CTIF: variants seen among roughly 807,000 people sequenced by gnomAD.
The protein encoded by CTIF is CBP80/20-dependent translation initiation factor.
CTIF carries 21 observed loss-of-function variants against 66.0 expected under a neutral mutation model. The ratio of observed to expected loss-of-function variants is 0.32; its 90% CI spans 0.23 to 0.46. CTIF has a LOEUF of 0.46. Among genes scored for constraint, CTIF ranks in the 20% least tolerant of loss-of-function variants. CTIF has a pLI of 1.00. For missense variants in CTIF, 739 were observed against 812.7 expected (o/e 0.91, Z 1.10); for synonymous variants, 345 against 326.4 (o/e 1.06, Z -0.62).
intron 7 of CTIF, among the ~76,000 whole-genome samples, chr18:48,740,261 T>C (rs1185009020): frequency 6.6e-6 from 1 of 152,174 alleles, no homozygotes; most frequent in Non-Finnish European, 1.5e-5. Flanking sequence ...GCCCTGCCCC[T>C]GAAGCCCAGT....
At chr18:48,747,918 T>C (rs964923860) in intron 7 of CTIF, among the ~76,000 whole-genome samples, 1 of 151,038 alleles carries the variant, frequency 6.6e-6, no homozygotes, top group Non-Finnish European at 1.5e-5. Flanking sequence ...ACCAAAACCC[T>C]GACTCTAAGA....
chr18:48,735,661 T>G (rs1002287322), intron 7 of CTIF, among the ~76,000 whole-genome samples: 43 of 152,170 alleles, frequency 2.8e-4, no homozygotes, highest in African/African-American at 1.0e-3. Context: ...GATTTTGTCT[T>G]GAGTCCCAGA....
chr18:48,583,849 TG>T (rs1446983533), intron 1 of CTIF, among the ~76,000 whole-genome samples: 1 of 152,186 alleles, frequency 6.6e-6, no homozygotes, highest in African/African-American at 2.4e-5. Flanking sequence ...TGGGGAATGA[TG>T]GGAAGAAGCA....
intron 5 of CTIF, among the ~76,000 whole-genome samples, chr18:48,666,657 C>T (rs1400279256): frequency 6.6e-6 from 1 of 152,198 alleles, no homozygotes; most frequent in Non-Finnish European, 1.5e-5. Flanking sequence ...TTCCATTTCT[C>T]TTTGGGTGAA....
At chr18:48,743,622 A>T (rs1226458635) in intron 7 of CTIF, among the ~76,000 whole-genome samples, 1 of 152,254 alleles carries the variant, frequency 6.6e-6, no homozygotes, top group African/African-American at 2.4e-5. Flanking sequence ...AGAATGCATC[A>T]CTTGATAATT....
chr18:48,858,963 C>G (rs1250931730), intron 11 of CTIF, among the ~76,000 whole-genome samples: 1 of 152,102 alleles, frequency 6.6e-6, no homozygotes, highest in Admixed American at 6.5e-5. Flanking sequence ...ACCACAGGGC[C>G]CCCTGATCAC....
intron 6 of CTIF, among the ~76,000 whole-genome samples, chr18:48,697,715 C>G (rs2092027762): frequency 6.6e-6 from 1 of 152,160 alleles, no homozygotes. Context: ...AAGTGGTTCT[C>G]AAGGCCAGAG....
rs188324509 is a variant in CTIF at position 48,576,732 on chromosome 18, C to T, written c.-29+37420C>T. On this transcript the variant is annotated intron_variant, in intron 1 of 11. Transcript: ENST00000256413. ...ACTAAGAAAGCAGAGAATAAAAGGA[C>T]GCAGGGAGGATTCGGTCTGCTCAAA... Among the ~76,000 whole-genome samples the T allele has an allele frequency of 1.6e-4, 25 of 152,308 alleles. No individual in the cohort carries two copies. In the East Asian group the frequency reaches 3.7e-3, roughly 22 times the overall value.
At chr18:48,544,896 G>C (rs1481422102) in intron 1 of CTIF, among the ~76,000 whole-genome samples, 1 of 152,200 alleles carries the variant, frequency 6.6e-6, no homozygotes, top group African/African-American at 2.4e-5. Context: ...CAAGCAGCCA[G>C]CTTTCTAGTG....
At chr18:48,577,486 C>G (rs2089558368) in intron 1 of CTIF, among the ~76,000 whole-genome samples, 1 of 152,194 alleles carries the variant, frequency 6.6e-6, no homozygotes, top group Non-Finnish European at 1.5e-5. Context: ...TTCTCTAGTA[C>G]CTATTTTAGA....
intron 5 of CTIF, among the ~76,000 whole-genome samples, chr18:48,667,988 T>G (rs537778682): frequency 6.6e-6 from 1 of 152,340 alleles, no homozygotes; most frequent in South Asian, 2.1e-4. Flanking sequence ...CAGCCTGTGT[T>G]TCCATGGAGG....
At chr18:48,800,064 A>G (rs977424059) in intron 9 of CTIF, among the ~76,000 whole-genome samples, 2 of 152,232 alleles carry the variant, frequency 1.3e-5, no homozygotes, top group African/African-American at 4.8e-5. Context: ...GTGCATGTGC[A>G]CCAGCTTTTC....
intron 1 of CTIF, among the ~76,000 whole-genome samples, chr18:48,586,323 C>T (rs2089768072): frequency 6.7e-6 from 1 of 149,934 alleles, no homozygotes; most frequent in South Asian, 2.1e-4. Context: ...GTTGCCCAGG[C>T]TGGAGTGCAG....
At chr18:48,563,241 T>C (rs2089203327) in intron 1 of CTIF, among the ~76,000 whole-genome samples, 2 of 152,254 alleles carry the variant, frequency 1.3e-5, no homozygotes, top group Non-Finnish European at 1.5e-5. Context: ...CCCTTGGGGA[T>C]GTAAACTGTA....
intron 6 of CTIF, among the ~76,000 whole-genome samples, chr18:48,677,056 G>A (rs551621270): frequency 2.6e-5 from 4 of 152,220 alleles, no homozygotes; most frequent in South Asian, 2.1e-4. Flanking sequence ...CTCTGTAGCC[G>A]GGTTCCCAGA....
chr18:48,658,071 A>G (rs1160609585), intron 3 of CTIF, among the ~76,000 whole-genome samples: 1 of 152,032 alleles, frequency 6.6e-6, no homozygotes, highest in Non-Finnish European at 1.5e-5. Context: ...TGCTTCTCTG[A>G]CTTCTCTGGC....
At chr18:48,720,889 T>C (rs1292621461) in intron 7 of CTIF, among the ~76,000 whole-genome samples, 1 of 152,142 alleles carries the variant, frequency 6.6e-6, no homozygotes, top group East Asian at 1.9e-4. Context: ...GGGATATACC[T>C]TCCCCCGATC....
intron 3 of CTIF, among the ~76,000 whole-genome samples, chr18:48,652,196 C>T (rs1458226002): frequency 2.6e-5 from 4 of 152,220 alleles, no homozygotes; most frequent in South Asian, 4.1e-4. Flanking sequence ...AATCCAGGAG[C>T]TGGTTTTTTG....
intron 6 of CTIF, among the ~76,000 whole-genome samples, chr18:48,681,373 C>T (rs1218612607): frequency 2.6e-5 from 4 of 152,160 alleles, no homozygotes. Context: ...GCCATTGGGT[C>T]CCTGTCCTTT....
Sources: allele counts gnomAD v4.1 joint callset (sites outside exome capture counted in the v4.1 genomes callset), GRCh38; gene constraint gnomAD v4.1.1; transcripts MANE v1.5; gene names NCBI Gene and HGNC (gene_info 2026-07-23, HGNC 2026-07-21).